SLC25A26: variants seen among roughly 807,000 people sequenced by gnomAD.
SLC25A26 encodes the protein mitochondrial S-adenosylmethionine carrier protein.
Under a neutral mutation model 37.8 loss-of-function variants are expected in SLC25A26, and 36 were observed. The observed-to-expected ratio is 0.95, with a 90% CI of 0.73 to 1.26. SLC25A26 has a LOEUF of 1.26. SLC25A26 is among the 50% of genes most tolerant of loss of function. The probability of loss-of-function intolerance (pLI) is 0.00; values close to 1 mark genes in which losing one functional copy is unlikely to be tolerated. For synonymous variants in SLC25A26, 129 were observed against 122.5 expected (o/e 1.05, Z -0.35); for missense variants, 390 against 331.1 (o/e 1.18, Z -1.38).
At chr3:66,306,909 A>G (rs150952225) in intron 5 of SLC25A26, among the ~76,000 whole-genome samples, 1 of 152,150 alleles carries the variant, frequency 6.6e-6, no homozygotes, top group Non-Finnish European at 1.5e-5. Flanking sequence ...TCTATCATTG[A>G]TGGGCATTTG....
intron 5 of SLC25A26, among the ~76,000 whole-genome samples, chr3:66,319,100 A>T (rs1163349012): frequency 6.6e-6 from 1 of 152,236 alleles, no homozygotes; most frequent in Admixed American, 6.5e-5. Flanking sequence ...ATCCTTGAGA[A>T]ACTTAGTTTT....
chr3:66,374,919 GATTAA>G (rs1228235217), intron 9 of SLC25A26, among the ~76,000 whole-genome samples: 3 of 151,978 alleles, frequency 2.0e-5, no homozygotes, highest in Non-Finnish European at 4.4e-5. Flanking sequence ...AGCTGGAGAT[GATTAA>G]ATTTAGTGAG....
intron 1 of SLC25A26, among the ~76,000 whole-genome samples, chr3:66,221,427 T>A (rs2071489850): frequency 6.6e-6 from 1 of 152,220 alleles, no homozygotes; most frequent in Non-Finnish European, 1.5e-5. Context: ...TACTCTTTCA[T>A]TAAATAGTGT....
At chr3:66,216,975 C>A (rs1004596582), upstream of SLC25A26, among the ~76,000 whole-genome samples, 1 of 152,194 alleles carries the variant, frequency 6.6e-6, no homozygotes, top group Admixed American at 6.5e-5. Flanking sequence ...TTTGTAATAT[C>A]TGTATTTCCT....
At chr3:66,283,802 A>C (rs1412075510) in intron 5 of SLC25A26, among the ~76,000 whole-genome samples, 3 of 152,232 alleles carry the variant, frequency 2.0e-5, no homozygotes, top group Non-Finnish European at 4.4e-5. Flanking sequence ...ACACATATTT[A>C]TGAGAGAGAA....
intron 1 of SLC25A26, among the ~76,000 whole-genome samples, chr3:66,205,032 A>T (rs2071159478): frequency 6.6e-6 from 1 of 152,172 alleles, no homozygotes; most frequent in Non-Finnish European, 1.5e-5. Flanking sequence ...TGACTTTCTT[A>T]TTTGTTAGTT....
intron 5 of SLC25A26, among the ~76,000 whole-genome samples, chr3:66,282,036 G>C (rs1338855195): frequency 8.5e-6 from 1 of 118,260 alleles, no homozygotes; most frequent in Admixed American, 1.2e-4. Flanking sequence ...ACGGAGTCTC[G>C]CTCTGTCGCC....
intron 7 of SLC25A26, among the ~76,000 whole-genome samples, chr3:66,363,663 G>T (rs556883456): frequency 6.6e-6 from 1 of 152,198 alleles, no homozygotes; most frequent in East Asian, 1.9e-4. Context: ...ATGGAAATTT[G>T]CCAGAAAAGG....
At chr3:66,360,807 C>A (rs1167155484) in intron 6 of SLC25A26, among the ~76,000 whole-genome samples, 1 of 152,194 alleles carries the variant, frequency 6.6e-6, no homozygotes, top group African/African-American at 2.4e-5. Flanking sequence ...GAAAACCCCT[C>A]AACATTAACA....
rs1362934279 is a variant in SLC25A26 at position 66,378,025 on chromosome 3, C to T, written c.*218C>T. 3.7e-5 allele frequency: 18 copies of T among 486,036 alleles called. No homozygotes were observed. Among genetic ancestry groups the T allele is most frequent in the Middle Eastern group, 5.3e-4 (1 of 1,880 alleles). The allele number at this position is 486,036 out of a possible 1,614,324, so 30.1% of individuals were successfully genotyped here. On this transcript the variant is annotated 3_prime_UTR_variant, in exon 10 of 10. Coordinates refer to ENST00000354883, the MANE Select transcript of SLC25A26 (RefSeq NM_001379210.1). ...TAAGAGAAGAAAACGGGGTCTGTGGCGGTACTCTGAACAATTTCCTCAGAA... is the reference window on the plus strand; with the variant it reads ...TAAGAGAAGAAAACGGGGTCTGTGGTGGTACTCTGAACAATTTCCTCAGAA...
At chr3:66,259,399 C>T (rs2073433652) in intron 3 of SLC25A26, among the ~76,000 whole-genome samples, 2 of 152,190 alleles carry the variant, frequency 1.3e-5, no homozygotes, top group African/African-American at 4.8e-5. Context: ...CATTTCTTGA[C>T]TGGACATAGC....
intron 3 of SLC25A26, among the ~76,000 whole-genome samples, chr3:66,261,171 A>C (rs1181121593): frequency 6.6e-6 from 1 of 152,222 alleles, no homozygotes; most frequent in East Asian, 1.9e-4. Context: ...GTGAAATCTA[A>C]GTTGCAGAAA....
intron 1 of SLC25A26, among the ~76,000 whole-genome samples, chr3:66,149,365 G>A (rs969395719): frequency 3.9e-5 from 6 of 152,222 alleles, no homozygotes; most frequent in Non-Finnish European, 8.8e-5. Flanking sequence ...CACAGGTTAG[G>A]GATGACATAA....
Position 66,153,128 on chromosome 3 carries a change from G to T in SLC25A26, c.-354+19144G>T, listed in dbSNP as rs565052370. On this transcript the variant is annotated intron_variant, in intron 1 of 10. Transcript: ENST00000676754. ...GGGCCATTTATCAATGCAATGCTTG[G>T]AGCTATTTTTGGTCGTCACGACCAA... Among the ~76,000 whole-genome samples, 11 of 152,206 alleles carry T rather than the reference G, an allele frequency of 7.2e-5. 1 individual carries two copies. The South Asian group carries it at 1.7e-3, about 23-fold the overall frequency.
intron 1 of SLC25A26, among the ~76,000 whole-genome samples, chr3:66,181,128 G>C (rs1197384583): frequency 1.3e-5 from 2 of 152,224 alleles, no homozygotes; most frequent in Non-Finnish European, 2.9e-5. Context: ...TGCTTGGTCT[G>C]TGGTATTCTG....
intron 5 of SLC25A26, among the ~76,000 whole-genome samples, chr3:66,271,449 T>C (rs1338746646): frequency 1.3e-5 from 2 of 152,294 alleles, no homozygotes; most frequent in East Asian, 3.9e-4. Flanking sequence ...TCAGGCATCA[T>C]AGTTCTATTC....
chr3:66,202,453 C>G (rs1463762666), intron 1 of SLC25A26, among the ~76,000 whole-genome samples: 2 of 144,928 alleles, frequency 1.4e-5, no homozygotes, highest in African/African-American at 5.1e-5. Context: ...ATGGGTGCAG[C>G]AAATGACCAC....
intron 5 of SLC25A26, among the ~76,000 whole-genome samples, chr3:66,283,822 A>G (rs185372673): frequency 3.3e-5 from 5 of 152,340 alleles, no homozygotes; most frequent in Admixed American, 1.3e-4. Context: ...AACTTTCTAT[A>G]AGACTCTAAG....
intron 1 of SLC25A26, among the ~76,000 whole-genome samples, chr3:66,195,123 C>T (rs1197320987): frequency 2.6e-5 from 4 of 152,212 alleles, no homozygotes; most frequent in Admixed American, 6.5e-5. Flanking sequence ...GTCACCTTCC[C>T]ACTGCTCCCC....
Sources: gnomAD v4.1 joint callset for allele counts (sites outside exome capture counted in the v4.1 genomes callset) on GRCh38, gnomAD v4.1.1 for gene constraint, MANE v1.5 for transcripts, NCBI Gene and HGNC (gene_info 2026-07-23, HGNC 2026-07-21) for gene names.